The following CPEB3 variants were observed in gnomAD, a reference collection of about 807,000 sequenced individuals.
CPEB3 encodes the protein cytoplasmic polyadenylation element binding protein 3, also known as cytoplasmic polyadenylation element-binding protein 3.
CPEB3 carries 20 observed loss-of-function variants against 67.2 expected under a neutral mutation model. That is an observed-to-expected ratio of 0.30 (90% CI 0.21 to 0.43). The LOEUF is 0.43. CPEB3 is among the 20% of genes least tolerant of loss of function. CPEB3 has a pLI of 1.00. For synonymous variants in CPEB3, 376 were observed against 393.1 expected (o/e 0.96, Z 0.51); for missense variants, 746 against 968.6 (o/e 0.77, Z 3.05).
At position 92,239,844 on chromosome 10, in the gene CPEB3, A is replaced by C; in HGVS notation, c.507T>G (p.Pro169=). The change falls in exon 2 of 10, where the codon CCT becomes CCG. Residue 169 remains proline (P), a synonymous_variant. Coordinates refer to ENST00000265997, the MANE Select transcript of CPEB3 (RefSeq NM_014912.5). The surrounding 1 kb of genome is among the most constrained non-coding windows in gnomAD (Gnocchi z 6.0). The part of the protein sequence containing the change: ...QTQHHQQPPP[P]APAPQPAQPA... ...GCTGTGCCGGCTGCGGCGCGGGCGCAGGCGGCGGCGGCTGCTGGTGGTGCT... is the reference window on the plus strand; with the variant it reads ...GCTGTGCCGGCTGCGGCGCGGGCGCCGGCGGCGGCGGCTGCTGGTGGTGCT... The C allele has an allele frequency of 6.6e-7, 1 of 1,512,282 alleles. No homozygotes were observed. Among genetic ancestry groups the C allele is most frequent in the Non-Finnish European group, 8.8e-7 (1 of 1,131,548 alleles). 93.7% of individuals were successfully genotyped at this position (1,512,282 alleles called of 1,614,324 possible).
intron 1 of CPEB3, among the ~76,000 whole-genome samples, chr10:92,258,759 CAG>C (rs55847450): frequency 0.32 from 46,731 of 145,342 alleles, 7,950 homozygotes; most frequent in Admixed American, 0.43. Flanking sequence ...CTTTTTTAAA[CAG>C]AGTCTCTTGA....
intron 9 of CPEB3, among the ~76,000 whole-genome samples, chr10:92,068,316 T>G (rs1404862449): frequency 6.6e-6 from 1 of 152,142 alleles, no homozygotes; most frequent in Non-Finnish European, 1.5e-5. Flanking sequence ...AGTGCTAGTG[T>G]CATATAGTGA....
chr10:92,170,872 G>A (rs776949499), intron 4 of CPEB3, among the ~76,000 whole-genome samples: 48 of 152,016 alleles, frequency 3.2e-4, no homozygotes, highest in Non-Finnish European at 6.3e-4. Context: ...CATCTTCTTT[G>A]AACCACCACT....
intron 3 of CPEB3, 91 bp from the exon 4 acceptor site, chr10:92,181,110 C>G (rs1848439126): frequency 1.4e-6 from 1 of 713,678 alleles, no homozygotes; most frequent in African/African-American, 1.8e-5. Context: ...AAATCTAAAA[C>G]AGATTAATCT....
intron 2 of CPEB3, among the ~76,000 whole-genome samples, chr10:92,229,834 C>T (rs112700022): frequency 3.3e-5 from 5 of 152,290 alleles, no homozygotes; most frequent in Admixed American, 1.3e-4. Flanking sequence ...CACCTGAGGT[C>T]GAGAGGTCGG....
chr10:92,168,477 T>G (rs1185742051), intron 4 of CPEB3, among the ~76,000 whole-genome samples: 4 of 152,166 alleles, frequency 2.6e-5, no homozygotes, highest in Admixed American at 1.3e-4. Context: ...ATAGCTGATA[T>G]GGTTTGACTA....
intron 2 of CPEB3, among the ~76,000 whole-genome samples, chr10:92,230,156 CATTT>C (rs1258242544): frequency 2.0e-5 from 3 of 152,140 alleles, no homozygotes; most frequent in African/African-American, 7.2e-5. Context: ...TTCATTCATT[CATTT>C]AATGAATACC....
intron 9 of CPEB3, among the ~76,000 whole-genome samples, chr10:92,067,130 A>G (rs1842580806): frequency 6.6e-6 from 1 of 151,636 alleles, no homozygotes; most frequent in African/African-American, 2.4e-5. Flanking sequence ...AAAACTAAAA[A>G]TAATAAATAA....
chr10:92,216,405 A>T lies in CPEB3; in HGVS notation c.1005+22941T>A. 3 of 1,612,624 alleles carry T rather than the reference A, an allele frequency of 1.9e-6. No homozygotes were observed. The Middle Eastern group carries it at 5.4e-4, about 288-fold the overall frequency. ...GTGTGTTCCGGGGAGCGCACCTACC[A>T]GGAGCTGCTGGTCAACCAGAACCCC... On this transcript the variant is annotated intron_variant, in intron 2 of 9. Transcript: ENST00000265997.
chr10:92,259,341 C>T (rs1048529517), intron 1 of CPEB3, among the ~76,000 whole-genome samples: 2 of 151,974 alleles, frequency 1.3e-5, no homozygotes, highest in African/African-American at 4.8e-5. Flanking sequence ...ATGGCTCATG[C>T]CTGTAATCCC....
rs1177104291 is a variant in CPEB3 at position 92,050,175 on chromosome 10, AAAAC to A, written c.*2033_*2036del. ...GAAAAAAAACCCACAAACATAGAAA[AAAAC>A]AAACAAAACCACACCTGGGCTGGAA... is the stretch of plus-strand genomic sequence containing the variant. On this transcript the variant is annotated 3_prime_UTR_variant, in exon 10 of 10. Transcript: ENST00000265997. 1.4e-4 allele frequency: 22 copies of A among 152,532 alleles called. 1 individual carries two copies. The highest frequency in any genetic ancestry group is 5.9e-4 in the Admixed American group (9 of 15,278). 9.4% of individuals were successfully genotyped at this position (152,532 alleles called of 1,614,324 possible).
intron 4 of CPEB3, among the ~76,000 whole-genome samples, chr10:92,147,061 G>A (rs948030479): frequency 5.3e-5 from 8 of 152,138 alleles, no homozygotes; most frequent in African/African-American, 1.4e-4. Context: ...CTCAGAAAAC[G>A]AGAGCTGGGG....
chr10:92,289,732 A>AAAAAAAAAAAAAAAAAAAAATAT, intron 1 of CPEB3, among the ~76,000 whole-genome samples: 5 of 75,766 alleles, frequency 6.6e-5, no homozygotes, highest in Non-Finnish European at 5.1e-5. Flanking sequence ...AAAAAAAAAA[A>AAAAAAAAAAAAAAAAAAAAATAT]ATATATATAT....
intron 2 of CPEB3, among the ~76,000 whole-genome samples, chr10:92,230,951 G>A (rs1851238266): frequency 6.6e-6 from 1 of 152,154 alleles, no homozygotes; most frequent in East Asian, 1.9e-4. Context: ...GGGAAATGGT[G>A]GTAAGGAGAT....
chr10:92,060,203 A>T (rs554366750), intron 9 of CPEB3, among the ~76,000 whole-genome samples: 1 of 151,818 alleles, frequency 6.6e-6, no homozygotes, highest in South Asian at 2.1e-4. Context: ...CCAAAAATAT[A>T]AAAAAATTAG....
chr10:92,051,642 T>G lies in CPEB3; in HGVS notation c.*570A>C, dbSNP rs1841896997. 6.6e-6 allele frequency: 1 copy of G among 152,496 alleles called. No individual in the cohort carries two copies. The highest frequency in any genetic ancestry group is 2.4e-5 in the African/African-American group (1 of 41,436). The allele number at this position is 152,496 out of a possible 1,614,324, so 9.4% of individuals were successfully genotyped here. A position where few individuals can be genotyped will look rare whatever the true frequency, so the allele number is the denominator to read the frequency against. Reference sequence around the variant, plus strand: ...CCAGCTTATGAGGTATCCTTACAAGTCAAAATAGAGAGCAACTAAAGGCTT... The same window carrying G: ...CCAGCTTATGAGGTATCCTTACAAGGCAAAATAGAGAGCAACTAAAGGCTT... On this transcript the variant is annotated 3_prime_UTR_variant, in exon 10 of 10. Coordinates refer to ENST00000265997, the MANE Select transcript of CPEB3 (RefSeq NM_014912.5).
intron 8 of CPEB3, among the ~76,000 whole-genome samples, chr10:92,089,842 A>G (rs1843542061): frequency 6.6e-6 from 1 of 152,210 alleles, no homozygotes; most frequent in Admixed American, 6.5e-5. Context: ...CAGGGAACAC[A>G]AAATCCCATT....
chr10:92,253,364 GC>G (rs1852379017), intron 1 of CPEB3, among the ~76,000 whole-genome samples: 1 of 149,766 alleles, frequency 6.7e-6, no homozygotes. Context: ...GGAGGCTGAG[GC>G]AGGAGAATCA....
intron 1 of CPEB3, among the ~76,000 whole-genome samples, chr10:92,262,547 T>G (rs1852848656): frequency 6.6e-6 from 1 of 152,070 alleles, no homozygotes; most frequent in African/African-American, 2.4e-5. Context: ...GCAATCTAGC[T>G]CTAAAACCCA....
Sources: allele counts gnomAD v4.1 joint callset (sites outside exome capture counted in the v4.1 genomes callset), GRCh38; gene constraint gnomAD v4.1.1; non-coding constraint Gnocchi (gnomAD v3.1); transcripts MANE v1.5; gene names NCBI Gene and HGNC (gene_info 2026-07-23, HGNC 2026-07-21).